Variants in HIRA observed in about 807,000 individuals in gnomAD.
HIRA encodes the protein histone cell cycle regulator.
A neutral mutation model predicts 126.6 loss-of-function variants in HIRA; 13 were observed. That is an observed-to-expected ratio of 0.10 (90% CI 0.07 to 0.16). HIRA has a LOEUF of 0.16. Ranked by LOEUF, HIRA falls within the 10% of genes least tolerant of loss-of-function variation. HIRA has a pLI of 1.00. For missense variants in HIRA, 834 were observed against 1,314.4 expected, an observed-to-expected ratio of 0.63 and a Z score of 5.65; for synonymous variants, 511 against 520.0, an observed-to-expected ratio of 0.98 and a Z score of 0.24.
intron 7 of HIRA, among the ~76,000 whole-genome samples, chr22:19,395,268 G>A (rs1341627429): frequency 6.6e-6 from 1 of 152,136 alleles, no homozygotes; most frequent in East Asian, 1.9e-4. Flanking sequence ...CTCTAGAGCA[G>A]GACATGACAA....
intron 20 of HIRA, 33 bp downstream of exon 20, chr22:19,356,197 A>AAC: frequency 6.2e-7 from 1 of 1,603,728 alleles, no homozygotes; most frequent in East Asian, 2.2e-5. Context: ...TTGGGCCCCC[A>AAC]AAAGAGTAGG....
intron 24 of HIRA, among the ~76,000 whole-genome samples, chr22:19,331,991 G>A (rs1045123462): frequency 2.0e-5 from 3 of 152,226 alleles, no homozygotes; most frequent in Non-Finnish European, 4.4e-5. Flanking sequence ...GGCAGTGACT[G>A]GCTTTAGTTT....
At position 19,393,597 on chromosome 22, in the gene HIRA, C is replaced by T. The variant is rs532798400; in HGVS notation, c.822+745G>A. ...GGTCTTGACCTCCTGACCTCATGAT[C>T]CGCCCACCACAGCCTCCCAAAGTGC... On this transcript the variant is annotated intron_variant, in intron 8 of 24. Transcript: ENST00000263208. 3.3e-5 allele frequency among the ~76,000 whole-genome samples: 5 copies of T among 152,196 alleles called. No homozygotes were observed. In the South Asian group the frequency reaches 1.0e-3, roughly 32 times the overall value.
chr22:19,383,149 A>T (rs766901548), intron 13 of HIRA, among the ~76,000 whole-genome samples: 5 of 152,034 alleles, frequency 3.3e-5, no homozygotes, highest in Non-Finnish European at 7.4e-5. Flanking sequence ...ACGAGTGGGG[A>T]AAAAAAAGAC....
chr22:19,429,281 G>A (rs1281383859), intron 1 of HIRA, among the ~76,000 whole-genome samples: 2 of 151,798 alleles, frequency 1.3e-5, no homozygotes, highest in African/African-American at 4.8e-5. Context: ...GGGACTACAG[G>A]TGCGTACCAC....
intron 15 of HIRA, among the ~76,000 whole-genome samples, chr22:19,372,358 G>A (rs1053601700): frequency 1.3e-5 from 2 of 152,074 alleles, no homozygotes; most frequent in Non-Finnish European, 2.9e-5. Flanking sequence ...GAATTTTTAT[G>A]TACCTGTGCT....
chr22:19,410,888 C>G lies in HIRA; in HGVS notation c.38-110G>C. The G allele has an allele frequency of 3.5e-6, 3 of 867,598 alleles. No individual in the cohort carries two copies. In the South Asian group the frequency reaches 4.4e-5, roughly 13 times the overall value. The allele number at this position is 867,598 out of a possible 1,614,324, so 53.7% of individuals were successfully genotyped here. On this transcript the variant is annotated intron_variant, in intron 1 of 24. Coordinates refer to ENST00000263208, the MANE Select transcript of HIRA (RefSeq NM_003325.4). ...CTAAACTGCTAGAAGATTCTCCAAA[C>G]ATCAGACAACTGAAAGTCCAACAGT... is the stretch of plus-strand genomic sequence containing the variant.
Position 19,340,764 on chromosome 22 carries a change from T to C in HIRA, c.2938-9208A>G, listed in dbSNP as rs1459254653. Among the ~76,000 whole-genome samples, 9 of 152,210 alleles carry C rather than the reference T, an allele frequency of 5.9e-5. No homozygotes were observed. In the South Asian group the frequency reaches 6.2e-4, roughly 11 times the overall value. On this transcript the variant is annotated intron_variant, in intron 24 of 24. Transcript: ENST00000263208. ...TCAAATCAAGAACCTCTTGTTACAA[T>C]AGCTGCAAATAAAATAAAATAAAAT... is the stretch of plus-strand genomic sequence containing the variant.
chr22:19,377,013 C>T (rs1370954635), intron 14 of HIRA, among the ~76,000 whole-genome samples: 2 of 152,254 alleles, frequency 1.3e-5, no homozygotes, highest in Non-Finnish European at 2.9e-5. Context: ...AGCACAGACA[C>T]CTTGGCCTTC....
intron 5 of HIRA, chr22:19,398,983 A>G (rs1028505006): frequency 1.2e-5 from 4 of 334,616 alleles, no homozygotes; most frequent in Non-Finnish European, 1.7e-5. Context: ...AACAAACAAA[A>G]AAACCAATGA....
At chr22:19,341,356 G>GC (rs1232630239) in intron 24 of HIRA, among the ~76,000 whole-genome samples, 1 of 151,434 alleles carries the variant, frequency 6.6e-6, no homozygotes, top group Non-Finnish European at 1.5e-5. Context: ...AGGCTGAGGT[G>GC]CAGGATCACT....
intron 18 of HIRA, 50 bp from the exon 19 acceptor site, chr22:19,357,101 C>A (rs1556012892): frequency 1.3e-6 from 2 of 1,599,150 alleles, no homozygotes. Context: ...GTGCTGCAGC[C>A]AAGACAGTAG....
At chr22:19,356,162 C>A in intron 20 of HIRA, 68 bp downstream of exon 20, 1 of 1,426,886 alleles carries the variant, frequency 7.0e-7, no homozygotes, top group Non-Finnish European at 9.9e-7. Context: ...CTGAGCGGGG[C>A]CCTTCTGCAG....
In HIRA at chr22:19,395,147, A is replaced by G. The variant is rs937501703; in HGVS notation, c.655-638T>C. ...GGGCTGAGGCAGAGCATCCCTCCAC[A>G]TTATCCCTCCTGCAAAAAGAGATGA... On this transcript the variant is annotated intron_variant, in intron 7 of 24. Transcript: ENST00000263208. Among the ~76,000 whole-genome samples the G allele has an allele frequency of 4.6e-5, 7 of 152,234 alleles. No individual in the cohort carries two copies. The East Asian group carries it at 7.7e-4, about 17-fold the overall frequency.
In HIRA at chr22:19,375,515, G is replaced by C. The variant is rs1411176223; in HGVS notation, c.1775+116C>G. On this transcript the variant is annotated intron_variant, in intron 15 of 24. Coordinates refer to ENST00000263208, the MANE Select transcript of HIRA (RefSeq NM_003325.4). The stretch of plus-strand genomic sequence containing the variant: ...CAGTCTTGCTCCCATGTATTGAGTG[G>C]CTAGAGTCTTTTCCCCAACAGGAAG... The C allele has an allele frequency of 7.4e-6, 8 of 1,078,398 alleles. No individual in the cohort carries two copies. In the East Asian group the frequency reaches 2.0e-4, roughly 26 times the overall value. The allele number at this position is 1,078,398 out of a possible 1,614,324, so 66.8% of individuals were successfully genotyped here. A position where few individuals can be genotyped will look rare whatever the true frequency, so the allele number is the denominator to read the frequency against.
chr22:19,361,224 T>C lies in HIRA; in HGVS notation c.2085+13A>G. The C allele has an allele frequency of 6.2e-7, 1 of 1,600,816 alleles. No individual in the cohort carries two copies. The highest frequency in any genetic ancestry group is 8.6e-7 in the Non-Finnish European group (1 of 1,167,974). ...TGTGCCTGAGGGAGAACTGGCAGGG[T>C]CCTAGAACTTACCTGGAGGGTGAAT... On this transcript the variant is annotated intron_variant, in intron 17 of 24. Coordinates refer to ENST00000263208, the MANE Select transcript of HIRA (RefSeq NM_003325.4).
chr22:19,390,625 A>AAAAAAAAAAAAAAAAAAAAAAAAAAAAC (rs1569304503), intron 9 of HIRA, among the ~76,000 whole-genome samples: 1 of 148,558 alleles, frequency 6.7e-6, no homozygotes, highest in African/African-American at 2.5e-5. Flanking sequence ...AAAAAAAAAA[A>AAAAAAAAAAAAAAAAAAAAAAAAAAAAC]AAGAAGCTGA....
chr22:19,404,052 G>A (rs1181994996), intron 5 of HIRA, among the ~76,000 whole-genome samples: 2 of 152,078 alleles, frequency 1.3e-5, no homozygotes, highest in Non-Finnish European at 2.9e-5. Context: ...TGGGTTAAAT[G>A]TTTTTCTAGA....
At chr22:19,362,744 A>G (rs2088876074) in intron 15 of HIRA, among the ~76,000 whole-genome samples, 1 of 151,580 alleles carries the variant, frequency 6.6e-6, no homozygotes. Flanking sequence ...TATTATTAGT[A>G]GAGACAGGGT....
Sources: allele counts gnomAD v4.1 joint callset (sites outside exome capture counted in the v4.1 genomes callset), GRCh38; gene constraint gnomAD v4.1.1; transcripts MANE v1.5; gene names NCBI Gene and HGNC (gene_info 2026-07-23, HGNC 2026-07-21).